Variants in PPARGC1A observed in about 807,000 individuals in gnomAD.
The protein encoded by PPARGC1A is PPARG coactivator 1 alpha.
A neutral mutation model predicts 88.7 loss-of-function variants in PPARGC1A; 25 were observed. The observed-to-expected ratio is 0.28, with a 90% confidence interval of 0.21 to 0.39. The LOEUF (loss-of-function observed/expected upper bound fraction) is 0.39, where lower values mean the gene tolerates loss of function less well. Ranked by LOEUF, PPARGC1A falls within the 10% of genes least tolerant of loss-of-function variation. The pLI, the probability that PPARGC1A is intolerant of heterozygous loss-of-function variation, is 1.00. For synonymous variants in PPARGC1A, 363 were observed against 355.6 expected (o/e 1.02, Z -0.24); for missense variants, 880 against 968.7 (o/e 0.91, Z 1.22).
chr4:23,994,541 T>A, the PPARGC1A span, among the ~76,000 whole-genome samples: 2,130 of 152,222 alleles, frequency 0.014, 45 homozygotes, highest in African/African-American at 0.048. Context: ...ATAGCACTAA[T>A]AAAGGTCACA....
chr4:24,353,011 C>T, the PPARGC1A span, among the ~76,000 whole-genome samples: 239 of 152,194 alleles, frequency 1.6e-3, 1 homozygote, highest in African/African-American at 5.4e-3. Context: ...AGCTGATCAC[C>T]GCCAACGTTC....
At chr4:23,832,759 G>C (rs1267818654) in intron 2 of PPARGC1A, among the ~76,000 whole-genome samples, 1 of 151,594 alleles carries the variant, frequency 6.6e-6, no homozygotes. Context: ...ACAGGTGTCC[G>C]CCACCACGCC....
the PPARGC1A span, among the ~76,000 whole-genome samples, chr4:24,320,054 T>C: frequency 6.6e-6 from 1 of 152,182 alleles, no homozygotes; most frequent in African/African-American, 2.4e-5. Context: ...TAACACTGAA[T>C]TGAATGGTGC....
chr4:24,156,004 T>C, the PPARGC1A span, among the ~76,000 whole-genome samples: 1 of 152,182 alleles, frequency 6.6e-6, no homozygotes, highest in Non-Finnish European at 1.5e-5. Flanking sequence ...TTATTAATAT[T>C]TTTTGAAATA....
At chr4:24,301,352 T>C in the PPARGC1A span, among the ~76,000 whole-genome samples, 6 of 152,178 alleles carry the variant, frequency 3.9e-5, no homozygotes, top group African/African-American at 1.2e-4. Flanking sequence ...AAGTAAATAA[T>C]AACACCAGTA....
chr4:24,164,096 G>A, the PPARGC1A span, among the ~76,000 whole-genome samples: 3 of 152,074 alleles, frequency 2.0e-5, no homozygotes, highest in South Asian at 2.1e-4. Flanking sequence ...ATAAAAATAG[G>A]CAACTATCTT....
At chr4:24,124,232 G>A in the PPARGC1A span, among the ~76,000 whole-genome samples, 2 of 152,166 alleles carry the variant, frequency 1.3e-5, no homozygotes, top group Non-Finnish European at 2.9e-5. Context: ...CAATACTGAT[G>A]GGAAACACAA....
chr4:24,105,180 T>C, the PPARGC1A span, among the ~76,000 whole-genome samples: 4 of 152,224 alleles, frequency 2.6e-5, no homozygotes, highest in African/African-American at 4.8e-5. Context: ...GAAGGTAAGA[T>C]AGTGTGGACT....
At chr4:24,254,712 T>TG in the PPARGC1A span, among the ~76,000 whole-genome samples, 1 of 152,352 alleles carries the variant, frequency 6.6e-6, no homozygotes, top group Non-Finnish European at 1.5e-5. Context: ...CTGATGCTTT[T>TG]CAACATCAGC....
the PPARGC1A span, among the ~76,000 whole-genome samples, chr4:24,246,169 T>C: frequency 6.6e-6 from 1 of 152,214 alleles, no homozygotes; most frequent in Non-Finnish European, 1.5e-5. Context: ...AATCAAATAA[T>C]ATTCATATAT....
the PPARGC1A span, among the ~76,000 whole-genome samples, chr4:24,467,340 A>G: frequency 6.6e-6 from 1 of 152,210 alleles, no homozygotes; most frequent in Non-Finnish European, 1.5e-5. Flanking sequence ...GAACGTAGAA[A>G]TGCACTTAAA....
At chr4:24,196,444 G>A in the PPARGC1A span, among the ~76,000 whole-genome samples, 2 of 152,326 alleles carry the variant, frequency 1.3e-5, no homozygotes, top group South Asian at 4.1e-4. Flanking sequence ...TTTTGGAAAG[G>A]TAATTATACC....
chr4:23,940,103 T>C, the PPARGC1A span, among the ~76,000 whole-genome samples: 2 of 152,332 alleles, frequency 1.3e-5, no homozygotes, highest in East Asian at 1.9e-4. Flanking sequence ...ATGTAATCAA[T>C]GATTTATCAG....
chr4:24,428,008 G>A, the PPARGC1A span, among the ~76,000 whole-genome samples: 7,215 of 151,900 alleles, frequency 0.047, 188 homozygotes, highest in Middle Eastern at 0.079. Flanking sequence ...CCAGCTACTC[G>A]GGAGGCTGAG....
chr4:23,897,767 A>G (rs1718781783), intron 1 of PPARGC1A, among the ~76,000 whole-genome samples: 1 of 152,254 alleles, frequency 6.6e-6, no homozygotes, highest in African/African-American at 2.4e-5. Context: ...TTTCAACCAC[A>G]GGTATTGGCT....
At chr4:24,301,859 A>G in the PPARGC1A span, among the ~76,000 whole-genome samples, 2 of 152,084 alleles carry the variant, frequency 1.3e-5, no homozygotes, top group African/African-American at 4.8e-5. Context: ...TACCCATTTA[A>G]TCTAACACAG....
the PPARGC1A span, among the ~76,000 whole-genome samples, chr4:24,386,873 C>T: frequency 2.5e-4 from 38 of 152,246 alleles, no homozygotes; most frequent in Non-Finnish European, 4.1e-4. Context: ...ACTTTCTTCA[C>T]AAAATTAGAA....
chr4:23,870,938 GTTTT>G (rs367777718), intron 2 of PPARGC1A, among the ~76,000 whole-genome samples: 1 of 139,306 alleles, frequency 7.2e-6, no homozygotes, highest in South Asian at 2.3e-4. Flanking sequence ...TGGTATCCGT[GTTTT>G]TTTTTTTTTT....
chr4:24,260,806 A>G, the PPARGC1A span, among the ~76,000 whole-genome samples: 1 of 152,058 alleles, frequency 6.6e-6, no homozygotes, highest in Admixed American at 6.5e-5. Flanking sequence ...TATTGAATCC[A>G]AGTTTATTTT....
Sources: allele counts gnomAD v4.1 joint callset (sites outside exome capture counted in the v4.1 genomes callset), GRCh38; gene constraint gnomAD v4.1.1; transcripts MANE v1.5; gene names NCBI Gene and HGNC (gene_info 2026-07-23, HGNC 2026-07-21).